Variants in E2F5 observed in about 807,000 individuals in gnomAD.
E2F5 encodes E2F transcription factor 5.
In E2F5, 23 loss-of-function variants were observed where a neutral mutation model predicts 39.1. The observed-to-expected ratio is 0.59, with a 90% confidence interval of 0.42 to 0.83. The LOEUF (loss-of-function observed/expected upper bound fraction) is 0.83. Among genes scored for constraint, E2F5 ranks in the 40% least tolerant of loss-of-function variants. The pLI is 0.00. For synonymous variants in E2F5, 145 were observed against 157.8 expected, an observed-to-expected ratio of 0.92 and a Z score of 0.61; for missense variants, 365 against 406.7, an observed-to-expected ratio of 0.90 and a Z score of 0.88.
rs4150849 is a variant in E2F5 at position 85,182,979 on chromosome 8, C to T, written c.234+5325C>T. ...TTGAAGACACTAGTTTGGCCGGGCC[C>T]GGTGGTTCACGCCTGTAATCCCAGC... On this transcript the variant is annotated intron_variant, in intron 1 of 7. Coordinates refer to ENST00000416274, the MANE Select transcript of E2F5 (RefSeq NM_001951.4). Among the ~76,000 whole-genome samples the T allele has an allele frequency of 3.1e-3, 468 of 152,244 alleles. 2 individuals are homozygous for T. Among genetic ancestry groups the T allele is most frequent in the African/African-American group, 0.011 (446 of 41,540 alleles).
In E2F5 at chr8:85,207,493, T is replaced by G; in HGVS notation, c.615+4T>G. 6.4e-7 allele frequency: 1 copy of G among 1,553,714 alleles called. No individual in the cohort carries two copies. The highest frequency in any genetic ancestry group is 8.7e-7 in the Non-Finnish European group (1 of 1,148,004). On this transcript the variant is annotated splice_donor_region_variant and intron_variant, in intron 5 of 7. Coordinates refer to ENST00000416274, the MANE Select transcript of E2F5 (RefSeq NM_001951.4). Reference sequence around the variant, plus strand: ...GGAGGTACCCATTCCAGAAATGGTATGTAGGATAACTTATGTTTATATAAG... The same window carrying G: ...GGAGGTACCCATTCCAGAAATGGTAGGTAGGATAACTTATGTTTATATAAG...
intron 3 of E2F5, among the ~76,000 whole-genome samples, chr8:85,205,684 C>T (rs548387565): frequency 6.6e-6 from 1 of 152,314 alleles, no homozygotes; most frequent in Admixed American, 6.5e-5. Flanking sequence ...TTGTCTTAAC[C>T]ATGTGGCCCT....
chr8:85,177,866 G>A (rs557247154), intron 1 of E2F5: 22 of 841,708 alleles, frequency 2.6e-5, no homozygotes, highest in African/African-American at 3.6e-5. Flanking sequence ...GAGCGGACGC[G>A]TAACCAATGG....
At chr8:85,181,870 A>G (rs1812223975) in intron 1 of E2F5, among the ~76,000 whole-genome samples, 1 of 151,614 alleles carries the variant, frequency 6.6e-6, no homozygotes, top group Non-Finnish European at 1.5e-5. Flanking sequence ...CTGAAGCAGG[A>G]GAATCGCTTG....
At chr8:85,213,073 T>G (rs985479046) in intron 7 of E2F5, 1 of 152,074 alleles carries the variant, frequency 6.6e-6, no homozygotes, top group South Asian at 2.1e-4. Context: ...ACTTTTTGTA[T>G]TTTTAGTAGA....
chr8:85,180,126 TTCTC>T lies in E2F5; in HGVS notation c.234+2473_234+2476del, dbSNP rs1171651552. Among the ~76,000 whole-genome samples the T allele has an allele frequency of 8.5e-5, 13 of 152,108 alleles. No homozygotes were observed. The East Asian group carries it at 2.3e-3, about 27-fold the overall frequency. On this transcript the variant is annotated intron_variant, in intron 1 of 7. Coordinates refer to ENST00000416274, the MANE Select transcript of E2F5 (RefSeq NM_001951.4). ...ACCTCCACCTCCCGGGTTCAAGCGA[TTCTC>T]CTGCCTCAGCCTCCCAAGTAGCTGG...
intron 5 of E2F5, among the ~76,000 whole-genome samples, chr8:85,208,228 T>A (rs1017846798): frequency 5.3e-5 from 8 of 152,166 alleles, no homozygotes; most frequent in South Asian, 4.1e-4. Context: ...CTTGGGAGGC[T>A]GAGGCAGCAG....
chr8:85,180,147 A>G (rs1406687790), intron 1 of E2F5, among the ~76,000 whole-genome samples: 1 of 151,808 alleles, frequency 6.6e-6, no homozygotes, highest in Non-Finnish European at 1.5e-5. Flanking sequence ...CAGCCTCCCA[A>G]GTAGCTGGGA....
chr8:85,199,389 C>T (rs1388314395), intron 1 of E2F5, among the ~76,000 whole-genome samples: 1 of 152,168 alleles, frequency 6.6e-6, no homozygotes, highest in Non-Finnish European at 1.5e-5. Context: ...TTCCTCTTGC[C>T]TGCATTCTCT....
rs1563984343 is a variant in E2F5 at position 85,211,642 on chromosome 8, TG to T, written c.884-514del. Among the ~76,000 whole-genome samples the T allele has an allele frequency of 7.9e-4, 108 of 137,042 alleles. 6 individuals carry two copies. The highest frequency in any genetic ancestry group is 3.3e-3 in the African/African-American group (104 of 31,052). The allele number at this position is 137,042 out of a possible 152,430, so 89.9% of individuals were successfully genotyped here. A position where few individuals can be genotyped will look rare whatever the true frequency, so the allele number is the denominator to read the frequency against. On this transcript the variant is annotated intron_variant, in intron 6 of 7. Coordinates refer to ENST00000416274, the MANE Select transcript of E2F5 (RefSeq NM_001951.4). Reference sequence around the variant, plus strand: ...GTAGAATGATGATGAGGTTTGTTGTTGTTTTTTTTTTTTTTTTTTTTTTTTT... The same window carrying T: ...GTAGAATGATGATGAGGTTTGTTGTTTTTTTTTTTTTTTTTTTTTTTTTTT...
At chr8:85,186,134 AT>A (rs1479225753) in intron 1 of E2F5, among the ~76,000 whole-genome samples, 1 of 152,176 alleles carries the variant, frequency 6.6e-6, no homozygotes, top group Non-Finnish European at 1.5e-5. Flanking sequence ...GGTAGACTGG[AT>A]AAAGAAAATC....
rs950695727 is a variant in E2F5 at position 85,211,643 on chromosome 8, G to GTTTTTTTTTTTTT, written c.884-498_884-486dup. ...TAGAATGATGATGAGGTTTGTTGTT[G>GTTTTTTTTTTTTT]TTTTTTTTTTTTTTTTTTTTTTTTT... On this transcript the variant is annotated intron_variant, in intron 6 of 7. Coordinates refer to ENST00000416274, the MANE Select transcript of E2F5 (RefSeq NM_001951.4). Among the ~76,000 whole-genome samples, 3 of 52,212 alleles carry GTTTTTTTTTTTTT rather than the reference G, an allele frequency of 5.7e-5. 1 individual carries two copies. The highest frequency in any genetic ancestry group is 2.7e-4 in the African/African-American group (3 of 11,008). The allele number at this position is 52,212 out of a possible 152,430, so 34.3% of individuals were successfully genotyped here.
chr8:85,182,994 G>A (rs371879829), intron 1 of E2F5, among the ~76,000 whole-genome samples: 2 of 152,306 alleles, frequency 1.3e-5, no homozygotes, highest in Middle Eastern at 3.4e-3. Context: ...GTTCACGCCT[G>A]TAATCCCAGC....
chr8:85,183,039 C>G (rs1055978560), intron 1 of E2F5, among the ~76,000 whole-genome samples: 1 of 152,038 alleles, frequency 6.6e-6, no homozygotes, highest in African/African-American at 2.4e-5. Flanking sequence ...ATCACGAGGT[C>G]GGGAGATTGA....
At chr8:85,184,003 C>T (rs1812274983) in intron 1 of E2F5, among the ~76,000 whole-genome samples, 1 of 152,024 alleles carries the variant, frequency 6.6e-6, no homozygotes, top group Admixed American at 6.6e-5. Flanking sequence ...TGTGAGGACA[C>T]AGCAGGAAGG....
At chr8:85,191,371 T>C (rs773605553) in intron 1 of E2F5, among the ~76,000 whole-genome samples, 6 of 152,184 alleles carry the variant, frequency 3.9e-5, no homozygotes, top group Non-Finnish European at 7.3e-5. Flanking sequence ...GTGGTGACTA[T>C]AGTTAATAAC....
At chr8:85,202,051 A>T in intron 1 of E2F5, 96 bp from the exon 2 acceptor site, 1 of 992,528 alleles carries the variant, frequency 1.0e-6, no homozygotes, top group Non-Finnish European at 1.5e-6. Flanking sequence ...GTCAAATTTG[A>T]GATTGGACTT....
intron 1 of E2F5, among the ~76,000 whole-genome samples, chr8:85,201,262 G>A (rs1417068482): frequency 6.6e-6 from 1 of 152,172 alleles, no homozygotes; most frequent in African/African-American, 2.4e-5. Context: ...GCTAAATCCT[G>A]TTCATTTAGA....
intron 1 of E2F5, among the ~76,000 whole-genome samples, chr8:85,195,257 C>T (rs2129689216): frequency 6.6e-6 from 1 of 152,092 alleles, no homozygotes; most frequent in South Asian, 2.1e-4. Context: ...GTGGCATGCA[C>T]CTGTAGTCCC....
Sources: gnomAD v4.1 joint callset for allele counts (sites outside exome capture counted in the v4.1 genomes callset) on GRCh38, gnomAD v4.1.1 for gene constraint, MANE v1.5 for transcripts, NCBI Gene and HGNC (gene_info 2026-07-23, HGNC 2026-07-21) for gene names.